EVC: variants seen among roughly 807,000 people sequenced by gnomAD.
EVC encodes the protein evC complex member EVC.
In EVC, 116 loss-of-function variants were observed where a neutral mutation model predicts 118.9. The observed-to-expected ratio is 0.98, with a 90% CI of 0.84 to 1.14. The LOEUF (loss-of-function observed/expected upper bound fraction) is 1.14. EVC is among the 50% of genes most tolerant of loss of function. EVC has a pLI of 0.00. For missense variants in EVC, 1,401 were observed against 1,246.4 expected, an observed-to-expected ratio of 1.12 and a Z score of -1.87; for synonymous variants, 619 against 534.7, an observed-to-expected ratio of 1.16 and a Z score of -2.18.
At chr4:5,817,260 T>C (rs1366447153), downstream of EVC, among the ~76,000 whole-genome samples, 2 of 152,202 alleles carry the variant, frequency 1.3e-5, no homozygotes, top group Non-Finnish European at 2.9e-5. Flanking sequence ...TCCTGCACCG[T>C]GTCGGGGCTC....
At position 5,731,764 on chromosome 4, in the gene EVC, C is replaced by A; in HGVS notation, c.617+107C>A. ...ACAGAGGCCCAGAGAGGTTCAGTGA[C>A]TCTGCCAGGGACACACAGCGACCCA... is the stretch of plus-strand genomic sequence containing the variant. On this transcript the variant is annotated intron_variant, in intron 4 of 20. Coordinates refer to ENST00000264956, the MANE Select transcript of EVC (RefSeq NM_153717.3). This position sits in a 1 kb window ranked among gnomAD's most constrained non-coding sequence, Gnocchi z 5.6. 1 of 1,147,956 alleles carries A rather than the reference C, an allele frequency of 8.7e-7. No individual in the cohort carries two copies. Among genetic ancestry groups the A allele is most frequent in the Non-Finnish European group, 1.3e-6 (1 of 782,754 alleles). The allele number at this position is 1,147,956 out of a possible 1,614,324, so 71.1% of individuals were successfully genotyped here.
At chr4:5,765,760 C>T (rs12640915) in intron 11 of EVC, among the ~76,000 whole-genome samples, 28 of 147,852 alleles carry the variant, frequency 1.9e-4, no homozygotes, top group African/African-American at 6.8e-4. Context: ...TGCTTGGTAG[C>T]TCTTCCTCCA....
chr4:5,783,089 CGTGTGTGT>C (rs142165642), intron 11 of EVC, among the ~76,000 whole-genome samples: 2 of 150,120 alleles, frequency 1.3e-5, no homozygotes, highest in Non-Finnish European at 3.0e-5. Flanking sequence ...TGCGTGTGTG[CGTGTGTGT>C]GTGTGTAGGA....
intron 11 of EVC, among the ~76,000 whole-genome samples, chr4:5,760,512 A>G (rs982607777): frequency 6.6e-6 from 1 of 152,002 alleles, no homozygotes; most frequent in Admixed American, 6.6e-5. Context: ...CACAGTGGAG[A>G]TGGGTGTGAA....
chr4:5,794,325 T>TATA (rs1713436313), intron 13 of EVC, among the ~76,000 whole-genome samples: 1 of 135,262 alleles, frequency 7.4e-6, no homozygotes, highest in Non-Finnish European at 1.5e-5. Flanking sequence ...TTATATATAT[T>TATA]TATATATATT....
chr4:5,748,289 C>G lies in EVC; in HGVS notation c.1081C>G (p.Gln361Glu). 6.2e-7 allele frequency: 1 copy of G among 1,614,112 alleles called. No homozygotes were observed. The highest frequency in any genetic ancestry group is 1.1e-5 in the South Asian group (1 of 91,070). ...IAAEGLLCDS[Q>E]ELQALDALER... Reference sequence around the variant, plus strand: ...AGCCGAAGGGCTATTGTGCGATTCTCAGGAGCTGCAGGCTCTGGTAATGCT... The same window carrying G: ...AGCCGAAGGGCTATTGTGCGATTCTGAGGAGCTGCAGGCTCTGGTAATGCT... The change falls in exon 8 of 21, where the codon CAG becomes GAG. Residue 361 changes from glutamine (Q) to glutamate (E), a missense_variant. Transcript: ENST00000264956.
the EVC span, chr4:5,825,403 A>G: frequency 5.4e-6 from 8 of 1,487,248 alleles, no homozygotes; most frequent in Non-Finnish European, 5.3e-6. The surrounding 1 kb of genome is among the most constrained non-coding windows in gnomAD (Gnocchi z 4.4). Context: ...CTAGTGTCCA[A>G]GGCCACGTGT....
chr4:5,821,670 C>G, the EVC span: 1 of 1,292,768 alleles, frequency 7.7e-7, no homozygotes, highest in Non-Finnish European at 1.1e-6. This position sits in a 1 kb window ranked among gnomAD's most constrained non-coding sequence, Gnocchi z 4.4. Flanking sequence ...TCAGCACCAA[C>G]TAAAACTGTG....
intron 11 of EVC, among the ~76,000 whole-genome samples, chr4:5,767,379 T>C (rs2152172608): frequency 7.3e-6 from 1 of 136,228 alleles, no homozygotes; most frequent in South Asian, 2.5e-4. Context: ...CCCCCGGAGA[T>C]GGAACCTCCA....
chr4:5,730,751 A>C (rs1726672140), intron 3 of EVC, among the ~76,000 whole-genome samples: 1 of 151,998 alleles, frequency 6.6e-6, no homozygotes, highest in African/African-American at 2.4e-5. Flanking sequence ...GGGGTGTTTC[A>C]GGTAGGGGGA....
chr4:5,797,139 G>T lies in EVC; in HGVS notation c.2004G>T (p.Lys668Asn), dbSNP rs759187395. The change falls in exon 14 of 21, where the codon AAG (lysine) becomes AAT (asparagine). Residue 668 changes from lysine (K) to asparagine (N), a missense_variant. Physicochemically the swap from Lys to Asn is moderately conservative, Grantham distance 94. Transcript: ENST00000264956. Reference protein sequence around the residue: ...TLTQMRLSGKKHLLQELREQR... With the variant: ...TLTQMRLSGKNHLLQELREQR... ...CGCAGATGCGGCTATCGGGGAAGAA[G>T]CACCTCCTGCAGGAGCTGCGGGAAC... is the stretch of plus-strand genomic sequence containing the variant. 1 of 1,613,646 alleles carries T rather than the reference G, an allele frequency of 6.2e-7. No individual in the cohort carries two copies. Among genetic ancestry groups the T allele is most frequent in the Admixed American group, 1.7e-5 (1 of 60,032 alleles).
At chr4:5,820,526 A>G in the EVC span, among the ~76,000 whole-genome samples, 2 of 152,202 alleles carry the variant, frequency 1.3e-5, no homozygotes, top group Non-Finnish European at 2.9e-5. Context: ...ACAGGAGGGA[A>G]TCAATGCAAG....
At chr4:5,820,802 C>G in the EVC span, 1 of 149,610 alleles carries the variant, frequency 6.7e-6, no homozygotes, top group Admixed American at 6.8e-5. Context: ...AGTTCATTTT[C>G]TTTATTTTTT....
chr4:5,719,061 A>C lies in EVC; in HGVS notation c.175-187A>C, dbSNP rs199911573. On this transcript the variant is annotated intron_variant, in intron 1 of 20. Coordinates refer to ENST00000264956, the MANE Select transcript of EVC (RefSeq NM_153717.3). The surrounding 1 kb of genome is among the most constrained non-coding windows in gnomAD (Gnocchi z 4.7). The stretch of plus-strand genomic sequence containing the variant: ...GGTGACCTGTGCAGTCTTGAAGGAC[A>C]TGTAGCGGACCCCACGTGGGGTGGG... Among the ~76,000 whole-genome samples the C allele has an allele frequency of 6.6e-6, 1 of 152,150 alleles. No individual in the cohort carries two copies.
chr4:5,714,473 T>C (rs1723606520), intron 1 of EVC, among the ~76,000 whole-genome samples: 1 of 150,038 alleles, frequency 6.7e-6, no homozygotes, highest in African/African-American at 2.5e-5. Flanking sequence ...CTAAATAATG[T>C]GCCTATATTG....
intron 18 of EVC, among the ~76,000 whole-genome samples, chr4:5,808,766 T>A (rs1577665761): frequency 6.6e-6 from 1 of 152,346 alleles, no homozygotes; most frequent in East Asian, 1.9e-4. Flanking sequence ...AAGTGCATAT[T>A]TCATTACAGA....
At chr4:5,735,844 AAG>A (rs1198596837) in intron 5 of EVC, among the ~76,000 whole-genome samples, 1 of 152,128 alleles carries the variant, frequency 6.6e-6, no homozygotes, top group African/African-American at 2.4e-5. Flanking sequence ...ACCGCCCTGA[AAG>A]AGCTGCTTCC....
intron 17 of EVC, among the ~76,000 whole-genome samples, chr4:5,805,889 TTC>T (rs1193591742): frequency 4.4e-5 from 5 of 114,652 alleles, no homozygotes; most frequent in Non-Finnish European, 9.6e-5. Flanking sequence ...GCAGTTTCTT[TTC>T]TTTTTTTTTT....
At chr4:5,716,727 A>G (rs1045382245) in intron 1 of EVC, among the ~76,000 whole-genome samples, 1 of 152,212 alleles carries the variant, frequency 6.6e-6, no homozygotes, top group African/African-American at 2.4e-5. Flanking sequence ...CAAGTTGTTG[A>G]TAATTTCCCT....
Sources: allele counts gnomAD v4.1 joint callset (sites outside exome capture counted in the v4.1 genomes callset), GRCh38; gene constraint gnomAD v4.1.1; non-coding constraint Gnocchi (gnomAD v3.1); transcripts MANE v1.5; gene names NCBI Gene and HGNC (gene_info 2026-07-23, HGNC 2026-07-21).